The following COL5A1 variants were observed in gnomAD, a reference collection of about 807,000 sequenced individuals.
The protein encoded by COL5A1 is collagen type V alpha 1 chain, also known as collagen alpha-1(V) chain.
A neutral mutation model predicts 263.7 loss-of-function variants in COL5A1; 16 were observed. The ratio of observed to expected loss-of-function variants is 0.06; its 90% CI spans 0.04 to 0.09. The LOEUF is 0.09. COL5A1 is among the 10% of genes least tolerant of loss of function. The probability of loss-of-function intolerance (pLI) is 1.00; values close to 1 mark genes in which losing one functional copy is unlikely to be tolerated. For missense variants in COL5A1, 2,036 were observed against 2,540.5 expected, an observed-to-expected ratio of 0.80 and a Z score of 4.27; for synonymous variants, 1,012 against 1,004.5, an observed-to-expected ratio of 1.01 and a Z score of -0.14.
chr9:134,749,092 C>A (rs1483894119), intron 11 of COL5A1, among the ~76,000 whole-genome samples: 1 of 152,162 alleles, frequency 6.6e-6, no homozygotes, highest in African/African-American at 2.4e-5. Flanking sequence ...CAAAAGTTAG[C>A]CCACGCTGGT....
intron 49 of COL5A1, 138 bp from the exon 50 acceptor site, chr9:134,814,659 G>T: frequency 1.4e-6 from 1 of 717,044 alleles, no homozygotes; most frequent in South Asian, 1.6e-5. Context: ...GAGCGACCTG[G>T]CAGCCAGCCC....
chr9:134,651,270 C>T (rs1831678318), intron 1 of COL5A1, among the ~76,000 whole-genome samples: 1 of 152,180 alleles, frequency 6.6e-6, no homozygotes, highest in South Asian at 2.1e-4. Context: ...AACAGTGTGG[C>T]GATTCCTCCA....
rs540106854 is a variant in COL5A1 at position 134,789,996 on chromosome 9, C to T, written c.2700+788C>T. On this transcript the variant is annotated intron_variant, in intron 32 of 65. Coordinates refer to ENST00000371817, the MANE Select transcript of COL5A1 (RefSeq NM_000093.5). The surrounding 1 kb of genome is among the most constrained non-coding windows in gnomAD (Gnocchi z 4.8). ...GCAGGACAGCATCTGCAGAGCAGGC[C>T]TGGGGGACATGCTCCCCGAAAGATG... Among the ~76,000 whole-genome samples, 2 of 152,270 alleles carry T rather than the reference C, an allele frequency of 1.3e-5. No homozygotes were observed. The highest frequency in any genetic ancestry group is 4.1e-4 in the South Asian group (2 of 4,826).
In COL5A1 at chr9:134,841,045, C is replaced by T. The variant is rs1475346942; in HGVS notation, c.5371-1112C>T. Among the ~76,000 whole-genome samples the T allele has an allele frequency of 6.6e-6, 1 of 152,234 alleles. No individual in the cohort carries two copies. On this transcript the variant is annotated intron_variant, in intron 65 of 65. Transcript: ENST00000371817. The surrounding 1 kb of genome is among the most constrained non-coding windows in gnomAD (Gnocchi z 4.8). ...GGCCTGGGAGTCTGCGCTGGGCCCT[C>T]TGCAGGGCTGCATCCTGGGGTCACT...
chr9:134,674,613 C>T (rs7863775), intron 1 of COL5A1, among the ~76,000 whole-genome samples: 1,746 of 152,130 alleles, frequency 0.011, 28 homozygotes, highest in African/African-American at 0.039. Flanking sequence ...TTGGCTGGTG[C>T]GATGACTCAC....
intron 39 of COL5A1, among the ~76,000 whole-genome samples, chr9:134,803,667 C>A (rs1838191282): frequency 6.6e-6 from 1 of 151,462 alleles, no homozygotes; most frequent in Non-Finnish European, 1.5e-5. Flanking sequence ...ACAGTGAAAC[C>A]CCGTTTCTAC....
chr9:134,765,602 C>A lies in COL5A1; in HGVS notation c.2035-79C>A. The A allele has an allele frequency of 1.5e-6, 2 of 1,330,430 alleles. No individual in the cohort carries two copies. Among genetic ancestry groups the A allele is most frequent in the Non-Finnish European group, 2.2e-6 (2 of 924,392 alleles). The allele number at this position is 1,330,430 out of a possible 1,614,324, so 82.4% of individuals were successfully genotyped here. A position where few individuals can be genotyped will look rare whatever the true frequency, so the allele number is the denominator to read the frequency against. ...GCTGGGGTTCTGGGTGGAGTCAGGGCCAAGTGGGCATAGGGGACAGAGAGG... is the reference window on the plus strand; with the variant it reads ...GCTGGGGTTCTGGGTGGAGTCAGGGACAAGTGGGCATAGGGGACAGAGAGG... On this transcript the variant is annotated intron_variant, in intron 20 of 65. Coordinates refer to ENST00000371817, the MANE Select transcript of COL5A1 (RefSeq NM_000093.5). This position sits in a 1 kb window ranked among gnomAD's most constrained non-coding sequence, Gnocchi z 5.1.
Position 134,796,386 on chromosome 9 carries a change from G to C in COL5A1, c.2812G>C (p.Gly938Arg), listed in dbSNP as rs751950836. Residue 938 changes from glycine (G) to arginine (R), a missense_variant, in exon 35 of 66, where the codon GGT becomes CGT. Gly to Arg is a moderately radical substitution (Grantham distance 125). Coordinates refer to ENST00000371817, the MANE Select transcript of COL5A1 (RefSeq NM_000093.5). ...CTTCCCTCTCAAGGGCAACTCCGGA[G>C]GTGACGGCCCAGCTGGCCCTCCTGG... is the stretch of plus-strand genomic sequence containing the variant. Reference protein sequence around the residue: ...GKPGPKGNSGGDGPAGPPGER... With the variant: ...GKPGPKGNSGRDGPAGPPGER... 3 of 1,614,026 alleles carry C rather than the reference G, an allele frequency of 1.9e-6. No individual in the cohort carries two copies. In the Admixed American group the frequency reaches 5.0e-5, roughly 27 times the overall value.
In COL5A1 at chr9:134,681,074, A is replaced by G. The variant is rs146006738; in HGVS notation, c.110-9838A>G. ...GCTTTGCTCCCTGGTTTAGTCATTG[A>G]GGAAGAATTTCAGTCGCAGCCTCCA... On this transcript the variant is annotated intron_variant, in intron 1 of 65. Transcript: ENST00000371817. This position sits in a 1 kb window ranked among gnomAD's most constrained non-coding sequence, Gnocchi z 4.3. Among the ~76,000 whole-genome samples the G allele has an allele frequency of 1.6e-3, 239 of 152,172 alleles. 2 individuals are homozygous for G. The East Asian group carries it at 0.029, about 18-fold the overall frequency.
rs1291645707 is a variant in COL5A1, at chr9:134,833,785, C to CTGGG, written c.5137-1185_5137-1182dup. Among the ~76,000 whole-genome samples, 3 of 152,372 alleles carry CTGGG rather than the reference C, an allele frequency of 2.0e-5. No homozygotes were observed. In the East Asian group the frequency reaches 5.8e-4, roughly 29 times the overall value. On this transcript the variant is annotated intron_variant, in intron 64 of 65. Coordinates refer to ENST00000371817, the MANE Select transcript of COL5A1 (RefSeq NM_000093.5). ...CTCCCTGGCCAGGGCCTTGTACATC[C>CTGGG]TGGGCACCCAGCAGATGGTCGTTTG... is the stretch of plus-strand genomic sequence containing the variant.
At chr9:134,702,419 T>C (rs1833706963) in intron 4 of COL5A1, among the ~76,000 whole-genome samples, 1 of 151,822 alleles carries the variant, frequency 6.6e-6, no homozygotes, top group Admixed American at 6.6e-5. Context: ...TGTCTACACA[T>C]CGGTTCTGCA....
intron 63 of COL5A1, among the ~76,000 whole-genome samples, chr9:134,827,766 C>T (rs1839349415): frequency 6.6e-6 from 1 of 152,206 alleles, no homozygotes; most frequent in South Asian, 2.1e-4. Flanking sequence ...TCCGAGGTGG[C>T]CCCCTTGGAC....
At chr9:134,814,681 C>T (rs1392342857) in intron 49 of COL5A1, 116 bp from the exon 50 acceptor site, 6 of 816,888 alleles carry the variant, frequency 7.3e-6, no homozygotes, top group East Asian at 2.7e-5. Flanking sequence ...CTGCAGGGCT[C>T]AGCAGATACT....
At chr9:134,839,052 C>CA (rs1341794278) in intron 65 of COL5A1, among the ~76,000 whole-genome samples, 1 of 152,236 alleles carries the variant, frequency 6.6e-6, no homozygotes, top group African/African-American at 2.4e-5. Context: ...GAACTCGGGC[C>CA]AGCGGCAAAA....
intron 2 of COL5A1, among the ~76,000 whole-genome samples, chr9:134,692,359 G>A (rs972867533): frequency 1.3e-4 from 20 of 152,280 alleles, no homozygotes; most frequent in African/African-American, 3.4e-4. Context: ...CAGCGGTTTC[G>A]TTTCTCCAGG....
At chr9:134,826,826 GGTGTGTGGATGTGTATATGGTGTGTGGGT>G (rs1839296898) in intron 63 of COL5A1, among the ~76,000 whole-genome samples, 1 of 150,320 alleles carries the variant, frequency 6.7e-6, no homozygotes. Flanking sequence ...GTGTGTGGCT[GGTGTGTGGATGTGTATATGGTGTGTGGGT>G]GTGTGTGGCT....
At chr9:134,837,582 A>C (rs907496352) in intron 65 of COL5A1, among the ~76,000 whole-genome samples, 5 of 151,768 alleles carry the variant, frequency 3.3e-5, no homozygotes, top group Non-Finnish European at 5.9e-5. Flanking sequence ...TCTGACTCAG[A>C]ACCTGACTTC....
At chr9:134,828,442 AC>A (rs1839387279) in intron 63 of COL5A1, among the ~76,000 whole-genome samples, 1 of 151,274 alleles carries the variant, frequency 6.6e-6, no homozygotes. Flanking sequence ...TCTACCACAC[AC>A]ACACACACAC....
At chr9:134,643,878 G>A (rs2132458043) in intron 1 of COL5A1, among the ~76,000 whole-genome samples, 1 of 152,248 alleles carries the variant, frequency 6.6e-6, no homozygotes, top group East Asian at 1.9e-4. Flanking sequence ...CACTGCCTGG[G>A]GACCATGCAC....
Sources: allele counts gnomAD v4.1 joint callset (sites outside exome capture counted in the v4.1 genomes callset), GRCh38; gene constraint gnomAD v4.1.1; non-coding constraint Gnocchi (gnomAD v3.1); transcripts MANE v1.5; gene names NCBI Gene and HGNC (gene_info 2026-07-23, HGNC 2026-07-21).